SFXN5: variants seen among roughly 807,000 people sequenced by gnomAD.
SFXN5 encodes the protein sideroflexin 5.
Under a neutral mutation model 50.2 loss-of-function variants are expected in SFXN5, and 43 were observed. The observed-to-expected ratio is 0.86, with a 90% CI of 0.67 to 1.11. The LOEUF (loss-of-function observed/expected upper bound fraction) is 1.11. Among genes scored for constraint, SFXN5 ranks in the 50% least tolerant of loss-of-function variants. The pLI is 0.00. For missense variants in SFXN5, 463 were observed against 454.1 expected, an observed-to-expected ratio of 1.02 and a Z score of -0.18; for synonymous variants, 203 against 185.8, an observed-to-expected ratio of 1.09 and a Z score of -0.75.
In SFXN5 at chr2:72,953,794, T is replaced by C. The variant is rs1672792199; in HGVS notation, c.945+7337A>G. Among the ~76,000 whole-genome samples, 1 of 152,116 alleles carries C rather than the reference T, an allele frequency of 6.6e-6. No homozygotes were observed. The highest frequency in any genetic ancestry group is 6.5e-5 in the Admixed American group (1 of 15,282). On this transcript the variant is annotated intron_variant, in intron 13 of 13. Coordinates refer to ENST00000272433, the MANE Select transcript of SFXN5 (RefSeq NM_144579.3). The surrounding 1 kb of genome is among the most constrained non-coding windows in gnomAD (Gnocchi z 4.1). ...ATTCCCAGCTCTTCTCCATTCTTGG[T>C]TGGGGGTCCCAATACTTTCTCAAAG...
intron 3 of SFXN5, among the ~76,000 whole-genome samples, chr2:73,030,419 C>T (rs1377401980): frequency 6.6e-6 from 1 of 152,082 alleles, no homozygotes; most frequent in Non-Finnish European, 1.5e-5. Flanking sequence ...GCTATGTTGA[C>T]CAGGCTGGTC....
chr2:72,998,870 A>G, intron 9 of SFXN5, 79 bp downstream of exon 9: 1 of 1,492,488 alleles, frequency 6.7e-7, no homozygotes, highest in South Asian at 1.2e-5. Flanking sequence ...TGGCCCTCAG[A>G]CAAGCATCCA....
Position 73,022,578 on chromosome 2 carries a change from T to C in SFXN5, c.277-2A>G. 2 of 1,351,628 alleles carry C rather than the reference T, an allele frequency of 1.5e-6. No homozygotes were observed. The highest frequency in any genetic ancestry group is 9.7e-7 in the Non-Finnish European group (1 of 1,027,590). 83.7% of individuals were successfully genotyped at this position (1,351,628 alleles called of 1,614,324 possible). On this transcript the variant is annotated splice_acceptor_variant, in intron 4 of 13. Coordinates refer to ENST00000272433, the MANE Select transcript of SFXN5 (RefSeq NM_144579.3). LOFTEE classifies it high-confidence loss of function. The stretch of plus-strand genomic sequence containing the variant: ...ATTGGTGTCCGGATGTAGAATAGCC[T>C]GGCAAAAGCAGGAACAGAGAATGGG...
At chr2:73,037,465 A>G (rs1679130385) in intron 3 of SFXN5, among the ~76,000 whole-genome samples, 1 of 152,212 alleles carries the variant, frequency 6.6e-6, no homozygotes. Flanking sequence ...AAGTTCCAGA[A>G]TGAGAAAAAG....
At chr2:72,949,355 G>A (rs893416603) in intron 13 of SFXN5, among the ~76,000 whole-genome samples, 1 of 151,854 alleles carries the variant, frequency 6.6e-6, no homozygotes, top group African/African-American at 2.4e-5. Flanking sequence ...ATAGGATCTC[G>A]CTCTGTCACC....
intron 13 of SFXN5, among the ~76,000 whole-genome samples, chr2:72,959,418 C>A (rs1363870604): frequency 2.6e-5 from 4 of 152,232 alleles, no homozygotes; most frequent in Non-Finnish European, 5.9e-5. Context: ...GGCCCGGCTG[C>A]ACTCCCAGAC....
intron 10 of SFXN5, among the ~76,000 whole-genome samples, chr2:72,983,422 G>A (rs964938688): frequency 2.0e-5 from 3 of 152,228 alleles, no homozygotes; most frequent in African/African-American, 7.2e-5. Flanking sequence ...AGGAGCTGCT[G>A]AGGCTGGCAT....
chr2:73,038,430 G>A (rs963311224), intron 3 of SFXN5, among the ~76,000 whole-genome samples: 2 of 152,114 alleles, frequency 1.3e-5, no homozygotes, highest in African/African-American at 2.4e-5. Context: ...GGTCATTACC[G>A]TACAGTACTA....
intron 13 of SFXN5, among the ~76,000 whole-genome samples, chr2:72,948,381 C>A (rs1033509006): frequency 6.6e-6 from 1 of 152,192 alleles, no homozygotes; most frequent in African/African-American, 2.4e-5. Context: ...TAAATATAAT[C>A]AGTAAATGAT....
rs777212902 is a variant in SFXN5, at chr2:72,992,595, C to A, written c.535-4247G>T. On this transcript the variant is annotated intron_variant, in intron 9 of 13. Coordinates refer to ENST00000272433, the MANE Select transcript of SFXN5 (RefSeq NM_144579.3). The surrounding 1 kb of genome is among the most constrained non-coding windows in gnomAD (Gnocchi z 4.5). ...GCTTCTCATGCCAGAGACCTCACAG[C>A]GTTCTGGGCAGGAGCCTCCTGGGGC... Among the ~76,000 whole-genome samples, 5 of 152,238 alleles carry A rather than the reference C, an allele frequency of 3.3e-5. No individual in the cohort carries two copies. Among genetic ancestry groups the A allele is most frequent in the African/African-American group, 9.6e-5 (4 of 41,456 alleles).
chr2:73,055,965 C>A (rs1682057721), intron 2 of SFXN5, among the ~76,000 whole-genome samples: 1 of 152,102 alleles, frequency 6.6e-6, no homozygotes, highest in Non-Finnish European at 1.5e-5. Flanking sequence ...ATGGTGAAAT[C>A]CAGTCTCTGC....
chr2:72,975,176 C>T (rs1433900515), intron 10 of SFXN5, among the ~76,000 whole-genome samples: 1 of 152,228 alleles, frequency 6.6e-6, no homozygotes, highest in Non-Finnish European at 1.5e-5. Flanking sequence ...CTCTTGCCTG[C>T]TGCAGATGTT....
chr2:72,969,718 A>C (rs1163306143), intron 11 of SFXN5, among the ~76,000 whole-genome samples: 1 of 145,422 alleles, frequency 6.9e-6, no homozygotes, highest in African/African-American at 2.6e-5. Context: ...TTTTTTTAAC[A>C]TCTCTTAAAG....
At chr2:72,965,483 G>A (rs1674283055) in intron 12 of SFXN5, among the ~76,000 whole-genome samples, 1 of 152,186 alleles carries the variant, frequency 6.6e-6, no homozygotes, top group Non-Finnish European at 1.5e-5. Context: ...GTCTAACTGA[G>A]CTGACTAATA....
chr2:73,047,235 AAAAAAAAAAAATATAT>A (rs1246822342), intron 2 of SFXN5, among the ~76,000 whole-genome samples: 9 of 28,208 alleles, frequency 3.2e-4, no homozygotes, highest in African/African-American at 6.9e-4. Context: ...AAAAAAAAAA[AAAAAAAAAAAATATAT>A]ATATATATAT....
chr2:73,044,501 T>C (rs1239939081), intron 2 of SFXN5: 2 of 152,388 alleles, frequency 1.3e-5, no homozygotes, highest in Non-Finnish European at 2.9e-5. Flanking sequence ...ATATCACAGA[T>C]ACCTGGGAAA....
chr2:72,946,676 T>A (rs1426502395), intron 13 of SFXN5, among the ~76,000 whole-genome samples: 1 of 152,178 alleles, frequency 6.6e-6, no homozygotes, highest in Non-Finnish European at 1.5e-5. Flanking sequence ...ATCTCGGGAA[T>A]GACGCCGCCA....
intron 9 of SFXN5, among the ~76,000 whole-genome samples, chr2:72,993,253 T>C (rs1055220257): frequency 6.6e-6 from 1 of 152,016 alleles, no homozygotes; most frequent in Non-Finnish European, 1.5e-5. Flanking sequence ...GTACCAAAAA[T>C]ATCCACCAGA....
Position 72,988,334 on chromosome 2 carries a change from G to T in SFXN5, c.549C>A (p.Val183=), listed in dbSNP as rs1180834342. Residue 183 remains valine (V), a synonymous_variant, in exon 10 of 14, where the codon GTC becomes GTA. Coordinates refer to ENST00000272433, the MANE Select transcript of SFXN5 (RefSeq NM_144579.3). ...SAVSIAVGLN[V]LVQKANKFTP... is the part of the protein sequence containing the mutation. The stretch of plus-strand genomic sequence containing the variant: ...TGAACTTGTTGGCTTTCTGAACCAG[G>T]ACATTAAGGCCCACCTTTGAAAGAA... The T allele has an allele frequency of 1.2e-6, 2 of 1,613,818 alleles. No individual in the cohort carries two copies. Among genetic ancestry groups the T allele is most frequent in the African/African-American group, 1.3e-5 (1 of 75,000 alleles).
Sources: gnomAD v4.1 joint callset for allele counts (sites outside exome capture counted in the v4.1 genomes callset) on GRCh38, gnomAD v4.1.1 for gene constraint, Gnocchi (gnomAD v3.1) non-coding constraint, MANE v1.5 for transcripts, NCBI Gene and HGNC (gene_info 2026-07-23, HGNC 2026-07-21) for gene names.